The following CADM2 variants were observed in gnomAD, a reference collection of about 807,000 sequenced individuals.
CADM2 encodes the protein immunoglobulin superfamily member 4D.
A neutral mutation model predicts 49.8 loss-of-function variants in CADM2; 12 were observed. That is an observed-to-expected ratio of 0.24 (90% CI 0.15 to 0.39). The LOEUF is 0.39. CADM2 is among the 10% of genes least tolerant of loss of function. CADM2 has a pLI of 1.00. For synonymous variants in CADM2, 214 were observed against 175.4 expected, an observed-to-expected ratio of 1.22 and a Z score of -1.74; for missense variants, 378 against 492.3, an observed-to-expected ratio of 0.77 and a Z score of 2.20.
chr3:85,893,629 T>G (rs1258315043), intron 5 of CADM2, among the ~76,000 whole-genome samples: 1 of 151,966 alleles, frequency 6.6e-6, no homozygotes. Flanking sequence ...GAATCTACAA[T>G]GAACTCAAAC....
chr3:85,140,755 G>C (rs1288092524), intron 1 of CADM2, among the ~76,000 whole-genome samples: 1 of 152,166 alleles, frequency 6.6e-6, no homozygotes. Flanking sequence ...CAGTTTCTCT[G>C]GGTCATATGT....
intron 1 of CADM2, among the ~76,000 whole-genome samples, chr3:85,462,969 C>G (rs1034243321): frequency 1.1e-4 from 16 of 152,104 alleles, no homozygotes; most frequent in African/African-American, 3.9e-4. Flanking sequence ...CCTGGAAAAC[C>G]ATTTTTCATG....
intron 5 of CADM2, among the ~76,000 whole-genome samples, chr3:85,890,129 C>A (rs1714224445): frequency 6.6e-6 from 1 of 151,780 alleles, no homozygotes; most frequent in Non-Finnish European, 1.5e-5. Flanking sequence ...TGTGCCTTTT[C>A]CAAAAAGGGT....
chr3:86,025,800 T>C (rs1733843841), intron 8 of CADM2, among the ~76,000 whole-genome samples: 1 of 152,164 alleles, frequency 6.6e-6, no homozygotes. Flanking sequence ...CTTAACTTTG[T>C]AATAATCTGG....
At chr3:86,041,436 T>C (rs1446591676) in intron 8 of CADM2, among the ~76,000 whole-genome samples, 1 of 152,140 alleles carries the variant, frequency 6.6e-6, no homozygotes, top group East Asian at 1.9e-4. Context: ...GCAATCCTAG[T>C]CTCTGATAAA....
At chr3:84,974,105 G>A (rs967129649) in intron 1 of CADM2, among the ~76,000 whole-genome samples, 5 of 151,994 alleles carry the variant, frequency 3.3e-5, no homozygotes, top group Admixed American at 1.3e-4. Context: ...ATGATCCCAA[G>A]ATGGGAATGA....
At chr3:85,500,037 C>A (rs1327659783) in intron 1 of CADM2, among the ~76,000 whole-genome samples, 1 of 152,154 alleles carries the variant, frequency 6.6e-6, no homozygotes, top group Non-Finnish European at 1.5e-5. Context: ...ATTGATTCAA[C>A]TTTTAATTTA....
At chr3:85,645,310 G>T (rs143096177) in intron 1 of CADM2, among the ~76,000 whole-genome samples, 89 of 152,034 alleles carry the variant, frequency 5.9e-4, no homozygotes, top group African/African-American at 2.0e-3. Context: ...GCAGTTAAAA[G>T]ACAAGCTGCG....
intron 1 of CADM2, among the ~76,000 whole-genome samples, chr3:85,074,783 A>T (rs2107482869): frequency 6.6e-6 from 1 of 152,154 alleles, no homozygotes; most frequent in South Asian, 2.1e-4. Context: ...AGGGAACCTA[A>T]TTTTTGTTCT....
rs145359207 is a variant in CADM2, at chr3:85,514,019, T to G, written c.62-212503T>G. On this transcript the variant is annotated intron_variant, in intron 1 of 9. Transcript: ENST00000383699. ...ATAGACTGGGTCAAGCATCGTTAAC[T>G]TCTATAAGAATGGCAATGGACAAAC... 6.3e-3 allele frequency among the ~76,000 whole-genome samples: 954 copies of G among 152,208 alleles called. 8 individuals are homozygous for G. The highest frequency in any genetic ancestry group is 9.9e-3 in the Non-Finnish European group (674 of 67,918).
intron 1 of CADM2, among the ~76,000 whole-genome samples, chr3:85,228,590 G>T (rs895319848): frequency 6.6e-6 from 1 of 151,898 alleles, no homozygotes; most frequent in Non-Finnish European, 1.5e-5. Flanking sequence ...CTGCAGGTCT[G>T]TTAGAGTTTG....
intron 2 of CADM2, among the ~76,000 whole-genome samples, chr3:85,730,082 A>G (rs945491697): frequency 1.3e-5 from 2 of 152,148 alleles, no homozygotes; most frequent in South Asian, 2.1e-4. Flanking sequence ...CTCTCATCCA[A>G]TTAATTATCA....
intron 3 of CADM2, among the ~76,000 whole-genome samples, chr3:85,805,763 G>A (rs777990842): frequency 6.6e-5 from 10 of 152,198 alleles, no homozygotes; most frequent in Non-Finnish European, 1.5e-4. Context: ...GCATGAGTTA[G>A]ACTAGAGTAA....
At chr3:85,233,070 G>A (rs574856068) in intron 1 of CADM2, among the ~76,000 whole-genome samples, 2 of 152,108 alleles carry the variant, frequency 1.3e-5, no homozygotes, top group Non-Finnish European at 2.9e-5. Context: ...GAGGAAATTA[G>A]CTATGAAGCC....
At chr3:85,693,473 T>G (rs1467090824) in intron 1 of CADM2, among the ~76,000 whole-genome samples, 25 of 138,704 alleles carry the variant, frequency 1.8e-4, no homozygotes, top group African/African-American at 6.8e-4. Flanking sequence ...CCAGCAACTC[T>G]GGAGGCTGAG....
rs2074358004 is a variant in CADM2 at position 85,835,257 on chromosome 3, T to C, written c.238+33061T>C. ...CATATTTTGATAGCTTTTAAAAAGC[T>C]ACACTTTATAATTTGAAATGTGTGA... is the stretch of plus-strand genomic sequence containing the variant. On this transcript the variant is annotated intron_variant, in intron 3 of 9. Coordinates refer to ENST00000383699, the MANE Select transcript of CADM2 (RefSeq NM_001167675.2). 2.6e-5 allele frequency among the ~76,000 whole-genome samples: 4 copies of C among 151,612 alleles called. No homozygotes were observed. In the South Asian group the frequency reaches 6.2e-4, roughly 24 times the overall value.
chr3:85,068,145 C>A (rs562555744), intron 1 of CADM2, among the ~76,000 whole-genome samples: 2 of 152,284 alleles, frequency 1.3e-5, no homozygotes, highest in East Asian at 3.9e-4. Context: ...GTTGAGCAAG[C>A]CTTCAATTAT....
At chr3:85,813,854 T>C (rs1183497448) in intron 3 of CADM2, among the ~76,000 whole-genome samples, 1 of 152,126 alleles carries the variant, frequency 6.6e-6, no homozygotes, top group Non-Finnish European at 1.5e-5. Flanking sequence ...GTTGTGGATA[T>C]GTGGTGTTAT....
chr3:85,813,942 C>G (rs369989575), intron 3 of CADM2, among the ~76,000 whole-genome samples: 2 of 152,064 alleles, frequency 1.3e-5, no homozygotes, highest in Non-Finnish European at 2.9e-5. Context: ...GTTACTGTAG[C>G]CTTGTAATAT....
Sources: allele counts gnomAD v4.1 joint callset (sites outside exome capture counted in the v4.1 genomes callset), GRCh38; gene constraint gnomAD v4.1.1; transcripts MANE v1.5; gene names NCBI Gene and HGNC (gene_info 2026-07-23, HGNC 2026-07-21).